The following PRR36 variants were observed in gnomAD, a reference collection of about 807,000 sequenced individuals.
PRR36 encodes the protein proline-rich protein 36.
Under a neutral mutation model 58.6 loss-of-function variants are expected in PRR36, and 30 were observed. That is an observed-to-expected ratio of 0.51 (90% CI 0.38 to 0.69). The LOEUF is 0.69. Ranked by LOEUF, PRR36 falls within the 30% of genes least tolerant of loss-of-function variation. The pLI, the probability that PRR36 is intolerant of heterozygous loss-of-function variation, is 0.00. For missense variants in PRR36, 1,692 were observed against 1,805.6 expected, an observed-to-expected ratio of 0.94 and a Z score of 1.14; for synonymous variants, 771 against 829.3, an observed-to-expected ratio of 0.93 and a Z score of 1.21.
At position 7,869,551 on chromosome 19, in the gene PRR36, G is replaced by A. The variant is rs1980276671; in HGVS notation, c.3530-7C>T. On this transcript the variant is annotated splice_polypyrimidine_tract_variant and splice_region_variant and intron_variant, in intron 5 of 5. Transcript: ENST00000618550. ...GGCCACGGCAGGGGCGCACCTGCGG[G>A]GAGAGACGCCAGGTGGGCCGTGGGG... The A allele has an allele frequency of 6.6e-7, 1 of 1,517,100 alleles. No individual in the cohort carries two copies. Among genetic ancestry groups the A allele is most frequent in the Non-Finnish European group, 8.8e-7 (1 of 1,138,678 alleles). The allele number at this position is 1,517,100 out of a possible 1,614,324, so 94.0% of individuals were successfully genotyped here.
In PRR36 at chr19:7,870,025, G is replaced by C. The variant is rs999325614; in HGVS notation, c.3219C>G (p.Thr1073=). ...TCGGGGGGCGGCGTGGGGCCTGCAGGGTGGGTGAGGCAGGGGGAGAGGGAG... is the reference window on the plus strand; with the variant it reads ...TCGGGGGGCGGCGTGGGGCCTGCAGCGTGGGTGAGGCAGGGGGAGAGGGAG... ...QVPPSPPASP[T]LQAPRRPPTP... Residue 1073 remains threonine (T), a synonymous_variant, in exon 5 of 6, where the codon ACC becomes ACG. Transcript: ENST00000618550. 6.9e-7 allele frequency: 1 copy of C among 1,443,704 alleles called. No homozygotes were observed. Among genetic ancestry groups the C allele is most frequent in the East Asian group, 2.8e-5 (1 of 36,284 alleles). The allele number at this position is 1,443,704 out of a possible 1,614,324, so 89.4% of individuals were successfully genotyped here.
chr19:7,871,761 G>T lies in PRR36; in HGVS notation c.1483C>A (p.Pro495Thr). Residue 495 changes from proline (P) to threonine (T), a missense_variant, in exon 5 of 6, where the codon CCC becomes ACC. Transcript: ENST00000618550. ...PQPGLSALTT[P>T]PPQASPSPSP... ...GGGGAAGGACTGGCCTGCGGAGGGG[G>T]CGTGGTCAGAGCAGAAAGGCCTGGC... 1 of 1,535,928 alleles carries T rather than the reference G, an allele frequency of 6.5e-7. No individual in the cohort carries two copies. The highest frequency in any genetic ancestry group is 1.4e-5 in the African/African-American group (1 of 73,116).
Position 7,870,729 on chromosome 19 carries a change from G to A in PRR36, c.2515C>T (p.Pro839Ser), listed in dbSNP as rs1980380569. ...AGGGCAGGTGGGGCCTGTGGAGGGG[G>A]CGTGGCCAAAGGAGACAGAGGGGGA... ...PSPPLSPLAT[P>S]PPQAPPALAL... Residue 839 changes from proline to serine, a missense_variant, in exon 5 of 6, where the codon CCC (proline) becomes TCC (serine). Physicochemically the swap from Pro to Ser is moderately conservative, Grantham distance 74 (BLOSUM62 -1). Around this residue, in one of 5 missense-constraint regions of PRR36, gnomAD observed 171 missense variants for 146.2 expected, o/e 1.17. Coordinates refer to ENST00000618550, the MANE Select transcript of PRR36 (RefSeq NM_001190467.2). 1 of 1,368,630 alleles carries A rather than the reference G, an allele frequency of 7.3e-7. No individual in the cohort carries two copies. Among genetic ancestry groups the A allele is most frequent in the East Asian group, 2.8e-5 (1 of 35,244 alleles). 84.8% of individuals were successfully genotyped at this position (1,368,630 alleles called of 1,614,324 possible).
Position 7,873,100 on chromosome 19 carries a change from C to A in PRR36, c.374+97G>T. 1 of 1,358,104 alleles carries A rather than the reference C, an allele frequency of 7.4e-7. No homozygotes were observed. The highest frequency in any genetic ancestry group is 1.0e-6 in the Non-Finnish European group (1 of 988,702). 84.1% of individuals were successfully genotyped at this position (1,358,104 alleles called of 1,614,324 possible). A position where few individuals can be genotyped will look rare whatever the true frequency, so the allele number is the denominator to read the frequency against. ...CACCCAATTTGTGCCCAGTGACCTG[C>A]AAGTGCTCCCGCGCCCCAACTCGTG... On this transcript the variant is annotated intron_variant, in intron 3 of 5. Coordinates refer to ENST00000618550, the MANE Select transcript of PRR36 (RefSeq NM_001190467.2). This position sits in a 1 kb window ranked among gnomAD's most constrained non-coding sequence, Gnocchi z 5.0.
At position 7,869,275 on chromosome 19, in the gene PRR36, G is replaced by A. The variant is rs994082192; in HGVS notation, c.3799C>T (p.Leu1267=). The A allele has an allele frequency of 6.8e-6, 10 of 1,460,042 alleles. No homozygotes were observed. The highest frequency in any genetic ancestry group is 8.9e-6 in the Non-Finnish European group (10 of 1,117,350). The allele number at this position is 1,460,042 out of a possible 1,614,324, so 90.4% of individuals were successfully genotyped here. A position where few individuals can be genotyped will look rare whatever the true frequency, so the allele number is the denominator to read the frequency against. ...CCCGCGGCACCCTCGGCAGCCGCCA[G>A]CAGCAGCGTCCGGCTCAGCAGGTGC... is the stretch of plus-strand genomic sequence containing the variant. ...VQHLLSRTLL[L]AAAEGAAGGS... is the part of the protein sequence containing the mutation. The change falls in exon 6 of 6, where the codon CTG becomes TTG. Residue 1267 remains leucine (L), a synonymous_variant. Coordinates refer to ENST00000618550, the MANE Select transcript of PRR36 (RefSeq NM_001190467.2).
chr19:7,871,612 C>T lies in PRR36; in HGVS notation c.1632G>A (p.Gln544=). The change falls in exon 5 of 6, where the codon CAG becomes CAA. Residue 544 remains glutamine, a synonymous_variant. Coordinates refer to ENST00000618550, the MANE Select transcript of PRR36 (RefSeq NM_001190467.2). ...SPSPLTTVSL[Q]DPPLVSPSLL... ...GAGAGGGAGAAACTAGAGGAGGATC[C>T]TGCAGAGAGACTGTGGTCAAAGGAG... 1 of 1,535,772 alleles carries T rather than the reference C, an allele frequency of 6.5e-7. No homozygotes were observed. Among genetic ancestry groups the T allele is most frequent in the East Asian group, 2.4e-5 (1 of 40,910 alleles).
In PRR36 at chr19:7,869,177, G is replaced by A. The variant is rs1980247026; in HGVS notation, c.3897C>T (p.Asp1299=). 1 of 1,535,234 alleles carries A rather than the reference G, an allele frequency of 6.5e-7. No individual in the cohort carries two copies. Among genetic ancestry groups the A allele is most frequent in the Middle Eastern group, 1.7e-4 (1 of 5,948 alleles). The stretch of plus-strand genomic sequence containing the variant: ...GTTCGGCCCAGCGGCCGAGTTCGGC[G>A]TCGCTGAGTGCAGCCCGGGCGCCCC... ...VTGGARAALS[D]AELGRWAELL... is the part of the protein sequence containing the mutation. Residue 1299 remains aspartate, a synonymous_variant, in exon 6 of 6, where the codon GAC becomes GAT. Coordinates refer to ENST00000618550, the MANE Select transcript of PRR36 (RefSeq NM_001190467.2).
Position 7,871,860 on chromosome 19 carries a change from A to T in PRR36, c.1384T>A (p.Ser462Thr), listed in dbSNP as rs1213534243. 1.3e-6 allele frequency: 2 copies of T among 1,535,642 alleles called. No individual in the cohort carries two copies. Among genetic ancestry groups the T allele is most frequent in the African/African-American group, 1.4e-5 (1 of 72,884 alleles). Residue 462 changes from serine to threonine, a missense_variant, in exon 5 of 6, where the codon TCT becomes ACT. Physicochemically the swap from Ser to Thr is moderately conservative, Grantham distance 58. Transcript: ENST00000618550. ...PLATPPLSAM[S>T]PLQGPVSPAT... ...GGAGAAACAGGGCCTTGTAGAGGAG[A>T]CATGGCTGACAGAGGAGGTGTGGCC...
At position 7,869,526 on chromosome 19, in the gene PRR36, G is replaced by C; in HGVS notation, c.3548C>G (p.Pro1183Arg). The C allele has an allele frequency of 6.6e-7, 1 of 1,518,784 alleles. No homozygotes were observed. Among genetic ancestry groups the C allele is most frequent in the Non-Finnish European group, 8.8e-7 (1 of 1,139,428 alleles). 94.1% of individuals were successfully genotyped at this position (1,518,784 alleles called of 1,614,324 possible). A position where few individuals can be genotyped will look rare whatever the true frequency, so the allele number is the denominator to read the frequency against. ...RGAPGAPLPWPPATGPGSADG... is the reference protein window; with the variant it reads ...RGAPGAPLPWRPATGPGSADG... ...AGCAGAGCCCGGTCCGGTAGCGGGAGGCCACGGCAGGGGCGCACCTGCGGG... is the reference window on the plus strand; with the variant it reads ...AGCAGAGCCCGGTCCGGTAGCGGGACGCCACGGCAGGGGCGCACCTGCGGG... The change falls in exon 6 of 6, where the codon CCT becomes CGT. Residue 1183 changes from proline (P) to arginine (R), a missense_variant. By Grantham distance (103) the Pro-to-Arg change is moderately radical (BLOSUM62 -2). Around this residue, in one of 5 missense-constraint regions of PRR36, gnomAD observed 485 missense variants for 549.2 expected, o/e 0.88. Coordinates refer to ENST00000618550, the MANE Select transcript of PRR36 (RefSeq NM_001190467.2).
In PRR36 at chr19:7,872,194, C is replaced by T. The variant is rs528921403; in HGVS notation, c.1050G>A (p.Pro350=). The T allele has an allele frequency of 8.5e-4, 1,174 of 1,375,660 alleles. 5 individuals carry two copies. The highest frequency in any genetic ancestry group is 7.3e-3 in the African/African-American group (479 of 65,676). 85.2% of individuals were successfully genotyped at this position (1,375,660 alleles called of 1,614,324 possible). The change falls in exon 5 of 6, where the codon CCG becomes CCA. Residue 350 remains proline (P), a synonymous_variant. Coordinates refer to ENST00000618550, the MANE Select transcript of PRR36 (RefSeq NM_001190467.2). The surrounding 1 kb of genome is among the most constrained non-coding windows in gnomAD (Gnocchi z 6.1). The part of the protein sequence containing the change: ...PPPAALQSQA[P]PTLPATPHSS... ...AGTGGGGCGTGGCCGGCAGGGTGGG[C>T]GGGGCCTGACTTTGGAGAGCGGCTG...
chr19:7,871,732 A>G lies in PRR36; in HGVS notation c.1512T>C (p.Ser504=). The G allele has an allele frequency of 3.3e-6, 5 of 1,533,114 alleles. No individual in the cohort carries two copies. Among genetic ancestry groups the G allele is most frequent in the Non-Finnish European group, 3.5e-6 (4 of 1,145,844 alleles). The allele number at this position is 1,533,114 out of a possible 1,614,324, so 95.0% of individuals were successfully genotyped here. Residue 504 remains serine, a synonymous_variant, in exon 5 of 6, where the codon TCT becomes TCC. Coordinates refer to ENST00000618550, the MANE Select transcript of PRR36 (RefSeq NM_001190467.2). ...TPPPQASPSP[S]PPSLQATPHT... ...GGGGCGTGGCCTGGAGAGAGGGCGG[A>G]GACGGGGAAGGACTGGCCTGCGGAG...
At position 7,873,391 on chromosome 19, in the gene PRR36, G is replaced by A; in HGVS notation, c.271+28C>T. ...ATTGGAAGGGGGAGGGAAGATGGGG[G>A]CGGAGCTGAGGAAGGAGGCTGGGGT... On this transcript the variant is annotated intron_variant, in intron 2 of 5. Coordinates refer to ENST00000618550, the MANE Select transcript of PRR36 (RefSeq NM_001190467.2). This position sits in a 1 kb window ranked among gnomAD's most constrained non-coding sequence, Gnocchi z 5.0. 5 of 1,519,426 alleles carry A rather than the reference G, an allele frequency of 3.3e-6. No individual in the cohort carries two copies. The highest frequency in any genetic ancestry group is 4.4e-6 in the Non-Finnish European group (5 of 1,136,252). 94.1% of individuals were successfully genotyped at this position (1,519,426 alleles called of 1,614,324 possible).
At position 7,873,463 on chromosome 19, in the gene PRR36, C is replaced by T. The variant is rs1377239800; in HGVS notation, c.227G>A (p.Arg76Gln). ...GGATIPESAP[R>Q]AGPTRSAGTS... The stretch of plus-strand genomic sequence containing the variant: ...CCCAGCACTCCGCGTTGGTCCCGCT[C>T]GGGGAGCAGACTCGGGAATAGTGGC... The change falls in exon 2 of 6, where the codon CGA (arginine) becomes CAA (glutamine). Residue 76 changes from arginine (R) to glutamine (Q), a missense_variant. Coordinates refer to ENST00000618550, the MANE Select transcript of PRR36 (RefSeq NM_001190467.2). The surrounding 1 kb of genome is among the most constrained non-coding windows in gnomAD (Gnocchi z 5.0). 1.3e-6 allele frequency: 2 copies of T among 1,534,716 alleles called. No individual in the cohort carries two copies. Among genetic ancestry groups the T allele is most frequent in the East Asian group, 2.4e-5 (1 of 40,878 alleles).
chr19:7,872,849 C>T lies in PRR36; in HGVS notation c.487G>A (p.Asp163Asn). 1 of 1,535,680 alleles carries T rather than the reference C, an allele frequency of 6.5e-7. No homozygotes were observed. The highest frequency in any genetic ancestry group is 8.7e-7 in the Non-Finnish European group (1 of 1,146,648). ...CCCCACTCTTCTCCAGGTCACGTACCTCTCCGTGCCCCAGCGCTGAGGGCA... is the reference window on the plus strand; with the variant it reads ...CCCCACTCTTCTCCAGGTCACGTACTTCTCCGTGCCCCAGCGCTGAGGGCA... ...RSALSAGARR[D>N]TSGPTPGTPS... is the part of the protein sequence containing the mutation. Residue 163 changes from aspartate (D) to asparagine (N), a missense_variant and splice_region_variant, in exon 4 of 6, where the codon GAC (aspartate) becomes AAC (asparagine). Transcript: ENST00000618550. The surrounding 1 kb of genome is among the most constrained non-coding windows in gnomAD (Gnocchi z 6.1).
Position 7,872,586 on chromosome 19 carries a change from G to T in PRR36, c.658C>A (p.Pro220Thr), listed in dbSNP as rs1211732112. ...SSASEHSTTE[P>T]SPAARRRPSA... ...GGCCGCCTCCTGGCAGCCGGGCTTG[G>T]CTCGGTGGTACTGTGCTCCGAGGCG... Residue 220 changes from proline (P) to threonine (T), a missense_variant, in exon 5 of 6, where the codon CCA (proline) becomes ACA (threonine). This residue lies in a region of PRR36 where 975 missense variants were observed against 955.2 expected (regional missense o/e 1.02). Transcript: ENST00000618550. The surrounding 1 kb of genome is among the most constrained non-coding windows in gnomAD (Gnocchi z 6.1). The T allele has an allele frequency of 1.3e-6, 2 of 1,524,048 alleles. No homozygotes were observed. Among genetic ancestry groups the T allele is most frequent in the East Asian group, 5.0e-5 (2 of 40,292 alleles). 94.4% of individuals were successfully genotyped at this position (1,524,048 alleles called of 1,614,324 possible).
Position 7,869,378 on chromosome 19 carries a change from G to A in PRR36, c.3696C>T (p.Ala1232=). The A allele has an allele frequency of 6.9e-7, 1 of 1,457,372 alleles. No homozygotes were observed. The highest frequency in any genetic ancestry group is 9.0e-7 in the Non-Finnish European group (1 of 1,114,442). 90.3% of individuals were successfully genotyped at this position (1,457,372 alleles called of 1,614,324 possible). ...SGGKAAAGAG[A]GASSRSPKQA... is the part of the protein sequence containing the mutation. ...GCTTCGGGCTCCGCGAGGACGCCCCGGCCCCGGCCCCAGCCGCCGCCTTCC... is the reference window on the plus strand; with the variant it reads ...GCTTCGGGCTCCGCGAGGACGCCCCAGCCCCGGCCCCAGCCGCCGCCTTCC... The change falls in exon 6 of 6, where the codon GCC becomes GCT. Residue 1232 remains alanine, a synonymous_variant. Coordinates refer to ENST00000618550, the MANE Select transcript of PRR36 (RefSeq NM_001190467.2).
chr19:7,871,408 C>T lies in PRR36; in HGVS notation c.1836G>A (p.Gln612=). ...TGGGTGAGCCCAAAGAAGTTGTGGC[C>T]TGCAGAGAGGACAAAGCCAGAGGAG... is the stretch of plus-strand genomic sequence containing the variant. ...PPSPLALSSL[Q]ATTSLGSPTL... Residue 612 remains glutamine (Q), a synonymous_variant, in exon 5 of 6, where the codon CAG becomes CAA. Transcript: ENST00000618550. The T allele has an allele frequency of 6.5e-7, 1 of 1,535,592 alleles. No homozygotes were observed. Among genetic ancestry groups the T allele is most frequent in the Non-Finnish European group, 8.7e-7 (1 of 1,146,814 alleles).
chr19:7,872,827 C>A lies in PRR36; in HGVS notation c.487+22G>T, dbSNP rs944434490. ...GGCTCCCCTTGCTGCCCAGGAACCCCACTCTTCTCCAGGTCACGTACCTCT... is the reference window on the plus strand; with the variant it reads ...GGCTCCCCTTGCTGCCCAGGAACCCAACTCTTCTCCAGGTCACGTACCTCT... On this transcript the variant is annotated intron_variant, in intron 4 of 5. Transcript: ENST00000618550. The surrounding 1 kb of genome is among the most constrained non-coding windows in gnomAD (Gnocchi z 6.1). 6.5e-7 allele frequency: 1 copy of A among 1,533,660 alleles called. No homozygotes were observed. Among genetic ancestry groups the A allele is most frequent in the Non-Finnish European group, 8.7e-7 (1 of 1,145,794 alleles).
In PRR36 at chr19:7,871,430, G is replaced by T; in HGVS notation, c.1814C>A (p.Pro605His). Residue 605 changes from proline to histidine, a missense_variant, in exon 5 of 6, where the codon CCT (proline) becomes CAT (histidine). By Grantham distance (77) the Pro-to-His change is moderately conservative. This residue lies in a region of PRR36 where 975 missense variants were observed against 955.2 expected (regional missense o/e 1.02). Coordinates refer to ENST00000618550, the MANE Select transcript of PRR36 (RefSeq NM_001190467.2). The stretch of plus-strand genomic sequence containing the variant: ...GGCCTGCAGAGAGGACAAAGCCAGA[G>T]GAGAGGGAGGTGCCTGCAGAGACGG... ...TSPSLQAPPS[P>H]LALSSLQATT... The T allele has an allele frequency of 3.3e-6, 5 of 1,535,756 alleles. No individual in the cohort carries two copies. Among genetic ancestry groups the T allele is most frequent in the Non-Finnish European group, 4.4e-6 (5 of 1,146,808 alleles).
Sources: gnomAD v4.1 joint callset for allele counts on GRCh38, gnomAD v4.1.1 for gene constraint, gnomAD v4.1.1 regional missense constraint, Gnocchi (gnomAD v3.1) non-coding constraint, MANE v1.5 for transcripts, NCBI Gene and HGNC (gene_info 2026-07-23, HGNC 2026-07-21) for gene names.